The following GPC5 variants were observed in gnomAD, a reference collection of about 807,000 sequenced individuals.
GPC5 encodes glypican-5.
A neutral mutation model predicts 53.9 loss-of-function variants in GPC5; 47 were observed. The ratio of observed to expected loss-of-function variants is 0.87; its 90% confidence interval spans 0.69 to 1.11. GPC5 has a LOEUF of 1.11. Ranked by LOEUF, GPC5 falls within the 50% of genes most tolerant of loss-of-function variation. The pLI, the probability that GPC5 is intolerant of heterozygous loss-of-function variation, is 0.00. For synonymous variants in GPC5, 286 were observed against 263.3 expected, an observed-to-expected ratio of 1.09 and a Z score of -0.84; for missense variants, 748 against 713.1, an observed-to-expected ratio of 1.05 and a Z score of -0.56.
At chr13:91,896,695 C>G (rs1014059656) in intron 5 of GPC5, among the ~76,000 whole-genome samples, 2 of 152,100 alleles carry the variant, frequency 1.3e-5, no homozygotes, top group African/African-American at 2.4e-5. Context: ...CTCCAGAGGT[C>G]TTCTGAAATC....
At chr13:91,788,157 G>A (rs1022012213) in intron 5 of GPC5, among the ~76,000 whole-genome samples, 7 of 152,178 alleles carry the variant, frequency 4.6e-5, no homozygotes, top group Non-Finnish European at 1.0e-4. Context: ...TAGAGGCAGG[G>A]CAGTCCAAGA....
At chr13:91,993,927 C>T (rs1431719240) in intron 6 of GPC5, among the ~76,000 whole-genome samples, 1 of 152,102 alleles carries the variant, frequency 6.6e-6, no homozygotes, top group Non-Finnish European at 1.5e-5. Flanking sequence ...CAAGAGTACT[C>T]AGAGATGTGC....
At chr13:92,548,925 CAAT>C (rs1882216270) in intron 7 of GPC5, among the ~76,000 whole-genome samples, 1 of 151,834 alleles carries the variant, frequency 6.6e-6, no homozygotes, top group Non-Finnish European at 1.5e-5. Context: ...AAAATAAAAA[CAAT>C]AAAAAGACTA....
chr13:92,210,082 C>T (rs1301747315), intron 7 of GPC5, among the ~76,000 whole-genome samples: 1 of 152,046 alleles, frequency 6.6e-6, no homozygotes, highest in Admixed American at 6.6e-5. Flanking sequence ...GGTGGATCGG[C>T]CTTTCCCAGT....
chr13:92,174,516 C>G (rs2042094819), intron 7 of GPC5, among the ~76,000 whole-genome samples: 1 of 147,304 alleles, frequency 6.8e-6, no homozygotes, highest in Non-Finnish European at 1.5e-5. Context: ...GCCTAGGCGA[C>G]AGAGCGAGAT....
chr13:92,089,213 T>G (rs1157852177), intron 6 of GPC5, among the ~76,000 whole-genome samples: 1 of 152,188 alleles, frequency 6.6e-6, no homozygotes, highest in East Asian at 1.9e-4. Flanking sequence ...GGCGGGCCGA[T>G]CACGAGGTCA....
intron 6 of GPC5, among the ~76,000 whole-genome samples, chr13:92,044,621 GT>G (rs538968605): frequency 6.6e-6 from 1 of 152,208 alleles, no homozygotes; most frequent in Non-Finnish European, 1.5e-5. Context: ...AGGAATTGTA[GT>G]TTTTTCTGTC....
chr13:92,837,256 G>A (rs1878250578), intron 7 of GPC5, among the ~76,000 whole-genome samples: 1 of 152,060 alleles, frequency 6.6e-6, no homozygotes, highest in South Asian at 2.1e-4. Flanking sequence ...TATACAGAAG[G>A]ATTCAGAGGA....
At chr13:91,622,494 AT>A (rs202204329) in intron 2 of GPC5, among the ~76,000 whole-genome samples, 1 of 152,034 alleles carries the variant, frequency 6.6e-6, no homozygotes, top group Non-Finnish European at 1.5e-5. Context: ...TAGGATTTTG[AT>A]TTTTTTTCTC....
intron 6 of GPC5, among the ~76,000 whole-genome samples, chr13:91,970,597 GA>G (rs532710200): frequency 2.6e-5 from 4 of 151,232 alleles, no homozygotes; most frequent in East Asian, 3.9e-4. Flanking sequence ...CCTCAATGAA[GA>G]AAAAAAATGA....
intron 7 of GPC5, among the ~76,000 whole-genome samples, chr13:92,263,790 C>T (rs1045647891): frequency 5.9e-5 from 9 of 151,980 alleles, no homozygotes; most frequent in Non-Finnish European, 7.4e-5. Context: ...GCCATATCAC[C>T]GATAAAAATC....
intron 6 of GPC5, among the ~76,000 whole-genome samples, chr13:92,127,974 G>GA (rs2041713218): frequency 6.6e-6 from 1 of 152,156 alleles, no homozygotes; most frequent in African/African-American, 2.4e-5. Flanking sequence ...GACAATCCTG[G>GA]AGGGACCAGG....
At chr13:92,529,341 A>G (rs976191607) in intron 7 of GPC5, among the ~76,000 whole-genome samples, 4 of 152,202 alleles carry the variant, frequency 2.6e-5, no homozygotes, top group Admixed American at 6.5e-5. Flanking sequence ...AGATTTATTG[A>G]AGATTTTACA....
At chr13:92,614,216 A>G (rs1406973726) in intron 7 of GPC5, among the ~76,000 whole-genome samples, 1 of 152,174 alleles carries the variant, frequency 6.6e-6, no homozygotes, top group Non-Finnish European at 1.5e-5. Context: ...GTAAATGACC[A>G]TATCTTAATG....
rs551262221 is a variant in GPC5 at position 92,151,810 on chromosome 13, T to A, written c.1561+6821T>A. Among the ~76,000 whole-genome samples the A allele has an allele frequency of 3.9e-5, 6 of 152,214 alleles. No individual in the cohort carries two copies. In the South Asian group the frequency reaches 8.3e-4, roughly 21 times the overall value. On this transcript the variant is annotated intron_variant, in intron 7 of 7. Coordinates refer to ENST00000377067, the MANE Select transcript of GPC5 (RefSeq NM_004466.6). ...ATATCACATTATATGCCAAGAGAGA[T>A]CAATCAGAGTTTTATGTGAGCTCAG...
chr13:92,015,716 G>A, intron 6 of GPC5, among the ~76,000 whole-genome samples: 1 of 152,166 alleles, frequency 6.6e-6, no homozygotes, highest in African/African-American at 2.4e-5. Flanking sequence ...ATTTTCAGGT[G>A]CTTAATTTTT....
chr13:92,325,103 GACAC>G (rs140189672), intron 7 of GPC5, among the ~76,000 whole-genome samples: 4,421 of 146,396 alleles, frequency 0.03, 214 homozygotes, highest in African/African-American at 0.1. Flanking sequence ...AATAACTTCT[GACAC>G]ACACACACAC....
intron 7 of GPC5, among the ~76,000 whole-genome samples, chr13:92,392,566 C>A (rs1345097764): frequency 6.6e-6 from 1 of 151,978 alleles, no homozygotes; most frequent in East Asian, 1.9e-4. Flanking sequence ...ATCTAATTCA[C>A]CTTAAGAACT....
rs545983161 is a variant in GPC5 at position 92,409,985 on chromosome 13, C to T, written c.1561+264996C>T. Among the ~76,000 whole-genome samples the T allele has an allele frequency of 4.6e-5, 7 of 152,310 alleles. No homozygotes were observed. The South Asian group carries it at 1.4e-3, about 32-fold the overall frequency. On this transcript the variant is annotated intron_variant, in intron 7 of 7. Transcript: ENST00000377067. ...TAAGGTGTGTATGTGTGTGTATGCA[C>T]ACGCATGCCTGTGCAAGTATGAAGA...
Sources: allele counts gnomAD v4.1 joint callset (sites outside exome capture counted in the v4.1 genomes callset), GRCh38; gene constraint gnomAD v4.1.1; transcripts MANE v1.5; gene names NCBI Gene and HGNC (gene_info 2026-07-23, HGNC 2026-07-21).